Variants in ODF2 observed in about 807,000 individuals in gnomAD.
ODF2 encodes outer dense fiber protein 2.
In ODF2, 47 loss-of-function variants were observed where a neutral mutation model predicts 110.2. That is an observed-to-expected ratio of 0.43 (90% confidence interval 0.34 to 0.54). The LOEUF is 0.54. Ranked by LOEUF, ODF2 falls within the 20% of genes least tolerant of loss-of-function variation. The pLI, the probability that ODF2 is intolerant of heterozygous loss-of-function variation, is 0.03. For synonymous variants in ODF2, 352 were observed against 397.7 expected (o/e 0.89, Z 1.37); for missense variants, 812 against 1,054.5 (o/e 0.77, Z 3.19).
chr9:128,457,679 CTTG>C (rs537901483), intron 2 of ODF2, among the ~76,000 whole-genome samples: 1 of 152,170 alleles, frequency 6.6e-6, no homozygotes, highest in Non-Finnish European at 1.5e-5. Flanking sequence ...CAGGGTCACT[CTTG>C]TTGTCTTTAT....
chr9:128,496,002 A>T (rs1845505919), intron 17 of ODF2, 39 bp from the exon 18 acceptor site: 1 of 1,611,406 alleles, frequency 6.2e-7, no homozygotes, highest in Non-Finnish European at 8.5e-7. Flanking sequence ...TCTAGCGGGA[A>T]ATTCCTTTGT....
chr9:128,497,483 A>T (rs1206673526), intron 18 of ODF2: 2 of 117,842 alleles, frequency 1.7e-5, no homozygotes, highest in Non-Finnish European at 3.5e-5. Context: ...ATATATATAT[A>T]TATGTATAAA....
downstream of ODF2, chr9:128,500,766 T>C (rs1846364199): frequency 6.5e-6 from 1 of 152,790 alleles, no homozygotes; most frequent in African/African-American, 2.4e-5. Flanking sequence ...AACCTCTCAC[T>C]CCCAAGTTTC....
chr9:128,469,111 G>A, intron 4 of ODF2, 72 bp from the exon 5 acceptor site: 2 of 1,458,976 alleles, frequency 1.4e-6, no homozygotes, highest in East Asian at 2.3e-5. Context: ...CAGTAAATAA[G>A]CCTCCAGTGG....
rs768168230 is a variant in ODF2, at chr9:128,482,804, G to A, written c.916-12G>A. On this transcript the variant is annotated splice_polypyrimidine_tract_variant and intron_variant, in intron 9 of 20. Coordinates refer to ENST00000604420, the Ensembl canonical transcript of ODF2. ...TTCCCAGGGGCACCTGACAGCCTGT[G>A]TTCTCTCCCAGCGCCTGCTGTTACT... The A allele has an allele frequency of 2.5e-6, 4 of 1,611,848 alleles. No individual in the cohort carries two copies. Among genetic ancestry groups the A allele is most frequent in the South Asian group, 1.1e-5 (1 of 90,792 alleles).
rs940807975 is a variant in ODF2, at chr9:128,456,843, C to A, written c.-208-355C>A. 8 of 1,313,648 alleles carry A rather than the reference C, an allele frequency of 6.1e-6. No individual in the cohort carries two copies. The Admixed American group carries it at 1.1e-4, about 18-fold the overall frequency. The allele number at this position is 1,313,648 out of a possible 1,614,324, so 81.4% of individuals were successfully genotyped here. Reference sequence around the variant, plus strand: ...CGGTTTTCCCTCGCGGCGGGGCGCCCGGGGCCCGTGCAACCTCCGCGCCTC... The same window carrying A: ...CGGTTTTCCCTCGCGGCGGGGCGCCAGGGGCCCGTGCAACCTCCGCGCCTC... On this transcript the variant is annotated intron_variant, in intron 1 of 20. Transcript: ENST00000604420.
At chr9:128,479,304 G>C (rs1313982867) in intron 8 of ODF2, among the ~76,000 whole-genome samples, 2 of 152,142 alleles carry the variant, frequency 1.3e-5, no homozygotes, top group Admixed American at 1.3e-4. Flanking sequence ...AGAAAAATAG[G>C]GACAGTCACA....
exon 1 of ODF2, chr9:128,456,212 G>A (rs948545329): frequency 2.1e-5 from 33 of 1,547,622 alleles, no homozygotes; most frequent in Non-Finnish European, 2.6e-5. Flanking sequence ...CGACTTCAAC[G>A]ACTTCATAAG....
chr9:128,486,479 T>G (rs1361388835), intron 13 of ODF2, among the ~76,000 whole-genome samples: 2 of 152,232 alleles, frequency 1.3e-5, no homozygotes, highest in Non-Finnish European at 2.9e-5. Flanking sequence ...ATATGTTTGC[T>G]TGGGCCTAGT....
At position 128,470,496 on chromosome 9, in the gene ODF2, G is replaced by A. The variant is rs758875267; in HGVS notation, c.421-812G>A. On this transcript the variant is annotated intron_variant, in intron 5 of 20. Transcript: ENST00000604420. ...AAATACAAAAATTTGCCAGGCACAC[G>A]CCTGTAATCCCGGCTACTTGGGAGG... is the stretch of plus-strand genomic sequence containing the variant. Among the ~76,000 whole-genome samples, 25 of 151,772 alleles carry A rather than the reference G, an allele frequency of 1.6e-4. No individual in the cohort carries two copies. The South Asian group carries it at 2.5e-3, about 15-fold the overall frequency.
intron 2 of ODF2, among the ~76,000 whole-genome samples, chr9:128,458,461 CAAAAAAAA>C (rs55782363): frequency 1.4e-5 from 1 of 72,882 alleles, no homozygotes; most frequent in Admixed American, 1.5e-4. Flanking sequence ...GACTCTATCT[CAAAAAAAA>C]AAAAAAAAAA....
At chr9:128,487,827 ACACAC>A in intron 13 of ODF2, 58 bp from the exon 14 acceptor site, 2 of 1,582,448 alleles carry the variant, frequency 1.3e-6, no homozygotes, top group East Asian at 2.3e-5. Flanking sequence ...ACACACACAC[ACACAC>A]ACAAACAAAC....
chr9:128,488,275 AGT>A (rs1843801285), intron 14 of ODF2, among the ~76,000 whole-genome samples: 1 of 151,954 alleles, frequency 6.6e-6, no homozygotes, highest in Admixed American at 6.6e-5. Context: ...ACATACAAAA[AGT>A]AGCCAGGCGT....
At chr9:128,500,293 T>C (rs781612312) in exon 21 of ODF2, 4 of 1,605,702 alleles carry the variant, frequency 2.5e-6, no homozygotes, top group Non-Finnish European at 3.4e-6. Context: ...ATGGAAGCCA[T>C]AGGAACTCCA....
In ODF2 at chr9:128,492,684, GTGT is replaced by G; in HGVS notation, c.1648-11_1648-9del. The G allele has an allele frequency of 3.1e-6, 5 of 1,607,636 alleles. No individual in the cohort carries two copies. The highest frequency in any genetic ancestry group is 4.3e-6 in the Non-Finnish European group (5 of 1,174,092). On this transcript the variant is annotated splice_polypyrimidine_tract_variant and intron_variant, in intron 15 of 20. Coordinates refer to ENST00000604420, the Ensembl canonical transcript of ODF2. ...GTGGCTCTACCTAAGATGAACCACA[GTGT>G]TGTTGGTCCCTAGGTGATGAAGACC...
chr9:128,469,113 C>T (rs1839063820), intron 4 of ODF2, 70 bp from the exon 5 acceptor site: 2 of 1,483,584 alleles, frequency 1.3e-6, no homozygotes, highest in Admixed American at 3.7e-5. Flanking sequence ...GTAAATAAGC[C>T]TCCAGTGGTG....
At chr9:128,477,610 T>C (rs1841567733) in intron 8 of ODF2, among the ~76,000 whole-genome samples, 2 of 151,342 alleles carry the variant, frequency 1.3e-5, no homozygotes, top group Admixed American at 1.3e-4. Context: ...CAGCTTTTTT[T>C]TTTCTTTTTT....
In ODF2 at chr9:128,457,047, G is replaced by C. The variant is rs1835056864; in HGVS notation, c.-208-151G>C. On this transcript the variant is annotated intron_variant, in intron 1 of 20. Transcript: ENST00000604420. ...CCGCCCTCTCCGCACGTCCGCCGGC[G>C]CCTCAGGTTTCCCCCGGTAGCCACC... The C allele has an allele frequency of 2.3e-5, 30 of 1,289,994 alleles. No homozygotes were observed. The South Asian group carries it at 4.2e-4, about 18-fold the overall frequency. The allele number at this position is 1,289,994 out of a possible 1,614,324, so 79.9% of individuals were successfully genotyped here.
intron 8 of ODF2, among the ~76,000 whole-genome samples, chr9:128,476,485 A>G (rs919797991): frequency 6.6e-6 from 1 of 151,436 alleles, no homozygotes; most frequent in East Asian, 2.0e-4. Context: ...ACGGGGTTTC[A>G]TCATATTGGT....
Sources: gnomAD v4.1 joint callset for allele counts (sites outside exome capture counted in the v4.1 genomes callset) on GRCh38, gnomAD v4.1.1 for gene constraint, MANE v1.5 for transcripts, NCBI Gene and HGNC (gene_info 2026-07-23, HGNC 2026-07-21) for gene names.